The following DNAH17 variants were observed in gnomAD, a reference collection of about 807,000 sequenced individuals.
The protein encoded by DNAH17 is dynein axonemal heavy chain 17, also known as axonemal beta dynein heavy chain 17.
Under a neutral mutation model 485.6 loss-of-function variants are expected in DNAH17, and 376 were observed. That is an observed-to-expected ratio of 0.77 (90% CI 0.71 to 0.84). The LOEUF (loss-of-function observed/expected upper bound fraction) is 0.84, where lower values mean the gene tolerates loss of function less well. Ranked by LOEUF, DNAH17 falls within the 40% of genes least tolerant of loss-of-function variation. The pLI, the probability that DNAH17 is intolerant of heterozygous loss-of-function variation, is 0.00. For synonymous variants in DNAH17, 3,031 were observed against 2,405.9 expected (o/e 1.26, Z -7.60); for missense variants, 6,370 against 5,839.3 (o/e 1.09, Z -2.96).
In DNAH17 at chr17:78,517,007, A is replaced by G. The variant is rs181085806; in HGVS notation, c.3865-1985T>C. Among the ~76,000 whole-genome samples the G allele has an allele frequency of 3.9e-5, 6 of 152,358 alleles. 1 individual carries two copies. Among genetic ancestry groups the G allele is most frequent in the Non-Finnish European group, 5.9e-5 (4 of 68,028 alleles). On this transcript the variant is annotated intron_variant, in intron 25 of 80. Transcript: ENST00000389840. ...ATTCAATTCCATTTAAAGTCATAAT[A>G]GCTTCCTTTTGGAGGGGAGGAAGAT...
At chr17:78,439,351 T>G in intron 72 of DNAH17, 134 bp from the exon 73 acceptor site, 1 of 1,100,778 alleles carries the variant, frequency 9.1e-7, no homozygotes, top group Non-Finnish European at 1.3e-6. Context: ...GACATAAAAC[T>G]TGCTGTTTTA....
Position 78,455,679 on chromosome 17 carries a change from C to A in DNAH17, c.10135G>T (p.Glu3379Ter). The A allele has an allele frequency of 6.4e-7, 1 of 1,569,548 alleles. No individual in the cohort carries two copies. Among genetic ancestry groups the A allele is most frequent in the East Asian group, 2.4e-5 (1 of 41,984 alleles). Residue 3379 changes from glutamate to a stop codon, truncating the protein, a stop_gained, in exon 63 of 81, where the codon GAG becomes TAG. Coordinates refer to ENST00000389840, the MANE Select transcript of DNAH17 (RefSeq NM_173628.4). LOFTEE classifies it high-confidence loss of function. ...TGTATGTAAGGGATCCAGAATTTCT[C>A]CATCAGCTCATTCCGGTATTTCTTG... is the stretch of plus-strand genomic sequence containing the variant. ...FTKKYRNELM[E>*]KFWIPYIHNL...
chr17:78,559,155 A>T (rs564528433), intron 13 of DNAH17, among the ~76,000 whole-genome samples: 17 of 152,338 alleles, frequency 1.1e-4, no homozygotes, highest in African/African-American at 4.1e-4. Context: ...TGAATGAGGT[A>T]ATGAGATGTC....
rs138120235 is a variant in DNAH17 at position 78,492,615 on chromosome 17, C to G, written c.6541+18G>C. On this transcript the variant is annotated intron_variant, in intron 42 of 80. Coordinates refer to ENST00000389840, the MANE Select transcript of DNAH17 (RefSeq NM_173628.4). The stretch of plus-strand genomic sequence containing the variant: ...CCAGGAGTGCCCCTGCAGCCTGTCC[C>G]GGGACCACCCTCGTTACCATCTTTC... 6.2e-7 allele frequency: 1 copy of G among 1,612,992 alleles called. No individual in the cohort carries two copies. Among genetic ancestry groups the G allele is most frequent in the Non-Finnish European group, 8.5e-7 (1 of 1,179,334 alleles).
intron 54 of DNAH17, among the ~76,000 whole-genome samples, chr17:78,472,280 G>C (rs528438726): frequency 2.1e-5 from 3 of 144,582 alleles, no homozygotes; most frequent in African/African-American, 8.5e-5. Context: ...GTAGGGGTGC[G>C]AGGGTTAGGG....
At position 78,444,623 on chromosome 17, in the gene DNAH17, G is replaced by A. The variant is rs766595754; in HGVS notation, c.11509C>T (p.Arg3837Cys). 10 of 1,578,862 alleles carry A rather than the reference G, an allele frequency of 6.3e-6. No individual in the cohort carries two copies. In the South Asian group the frequency reaches 6.9e-5, roughly 11 times the overall value. ...ACTCACTTGATAGCGTAGGTCATGC[G>A]ATCTGGCCGCAGGCAGCGCACCATG... ...LCMVRCLRPD[R>C]MTYAIKNFVE... Residue 3837 changes from arginine to cysteine, a missense_variant, in exon 71 of 81, where the codon CGC (arginine) becomes TGC (cysteine). By Grantham distance (180) the Arg-to-Cys change is radical. Transcript: ENST00000389840.
intron 16 of DNAH17, among the ~76,000 whole-genome samples, chr17:78,545,184 T>C (rs563675741): frequency 6.6e-6 from 1 of 152,326 alleles, no homozygotes; most frequent in East Asian, 1.9e-4. Context: ...GATATTTACG[T>C]GAGTACTTAT....
rs1039199086 is a variant in DNAH17 at position 78,493,981 on chromosome 17, C to T, written c.6408+55G>A. The T allele has an allele frequency of 1.5e-5, 23 of 1,570,430 alleles. No individual in the cohort carries two copies. The Admixed American group carries it at 1.9e-4, about 13-fold the overall frequency. ...GTGATGGAGGGCCGACCCTTCGCCC[C>T]AGCCCTCCCCCACCATGCCGGATCC... On this transcript the variant is annotated intron_variant, in intron 41 of 80. Transcript: ENST00000389840.
At chr17:78,538,528 C>A (rs2091438529) in intron 18 of DNAH17, among the ~76,000 whole-genome samples, 1 of 152,178 alleles carries the variant, frequency 6.6e-6, no homozygotes, top group Non-Finnish European at 1.5e-5. Context: ...CAGGAGGGGG[C>A]TGTATCAGTA....
At chr17:78,526,154 G>A (rs2091064715) in intron 24 of DNAH17, among the ~76,000 whole-genome samples, 1 of 152,242 alleles carries the variant, frequency 6.6e-6, no homozygotes, top group Non-Finnish European at 1.5e-5. Flanking sequence ...GTGTGAATTT[G>A]TGCACTGGAC....
rs531871161 is a variant in DNAH17, at chr17:78,440,069, G to T, written c.11678-852C>A. Among the ~76,000 whole-genome samples, 11 of 151,868 alleles carry T rather than the reference G, an allele frequency of 7.2e-5. No individual in the cohort carries two copies. The East Asian group carries it at 2.1e-3, about 29-fold the overall frequency. ...CTGCCTTGGCCTCCAGAGTAGCTGG[G>T]ACCACAGGCATGCACCACTATGCCC... On this transcript the variant is annotated intron_variant, in intron 72 of 80. Coordinates refer to ENST00000389840, the MANE Select transcript of DNAH17 (RefSeq NM_173628.4).
chr17:78,546,821 G>A (rs138001421), intron 16 of DNAH17, among the ~76,000 whole-genome samples: 214 of 152,160 alleles, frequency 1.4e-3, no homozygotes, highest in African/African-American at 4.2e-3. Context: ...CAGGAGAATC[G>A]CTTGAACCCA....
chr17:78,480,102 A>C (rs1247209948), intron 49 of DNAH17, among the ~76,000 whole-genome samples: 1 of 133,328 alleles, frequency 7.5e-6, no homozygotes, highest in East Asian at 2.4e-4. Context: ...TAATCCCAGC[A>C]CTTTGGGAGG....
At chr17:78,559,788 TCTC>T (rs746471876) in intron 13 of DNAH17, among the ~76,000 whole-genome samples, 5 of 151,008 alleles carry the variant, frequency 3.3e-5, no homozygotes, top group Non-Finnish European at 7.4e-5. Flanking sequence ...TCTCATCTCT[TCTC>T]CTACGACCTT....
At chr17:78,501,557 C>A in intron 34 of DNAH17, 185 bp downstream of exon 34, 1 of 995,366 alleles carries the variant, frequency 1.0e-6, no homozygotes, top group East Asian at 2.6e-5. Flanking sequence ...CACCGCTCAT[C>A]TGACTGCTGT....
chr17:78,505,965 C>T (rs754881482), intron 30 of DNAH17, among the ~76,000 whole-genome samples: 7 of 151,858 alleles, frequency 4.6e-5, no homozygotes, highest in South Asian at 2.1e-4. Flanking sequence ...GCAACAAGAG[C>T]GAAACTCCAT....
In DNAH17 at chr17:78,425,581, C is replaced by G. The variant is rs1421195350; in HGVS notation, c.12916-10G>C. On this transcript the variant is annotated splice_polypyrimidine_tract_variant and intron_variant, in intron 79 of 80. Coordinates refer to ENST00000389840, the MANE Select transcript of DNAH17 (RefSeq NM_173628.4). ...TCCAGGCCTCGAGTTCCTGCAAGGA[C>G]ACACGAGCCGCTAGGAGGAGAGGAC... The G allele has an allele frequency of 1.3e-6, 2 of 1,588,802 alleles. No homozygotes were observed. The highest frequency in any genetic ancestry group is 2.3e-5 in the South Asian group (2 of 88,800).
At position 78,444,729 on chromosome 17, in the gene DNAH17, T is replaced by C. The variant is rs2087208932; in HGVS notation, c.11403A>G (p.Lys3801=). 9 of 1,605,990 alleles carry C rather than the reference T, an allele frequency of 5.6e-6. No homozygotes were observed. The highest frequency in any genetic ancestry group is 7.6e-6 in the Non-Finnish European group (9 of 1,177,438). ...CGGGGGCTTCCGACTCCACCAGCTTTTTCCAGCGCTTGGCAGATCCTTCGA... is the reference window on the plus strand; with the variant it reads ...CGGGGGCTTCCGACTCCACCAGCTTCTTCCAGCGCTTGGCAGATCCTTCGA... The part of the protein sequence containing the change: ...SDIEGSAKRW[K]KLVESEAPEK... The change falls in exon 71 of 81, where the codon AAA becomes AAG. Residue 3801 remains lysine, a synonymous_variant. Coordinates refer to ENST00000389840, the MANE Select transcript of DNAH17 (RefSeq NM_173628.4).
chr17:78,561,538 CAAG>C (rs1412549792), intron 12 of DNAH17, among the ~76,000 whole-genome samples, 174 bp downstream of exon 12: 2 of 152,110 alleles, frequency 1.3e-5, no homozygotes, highest in Non-Finnish European at 2.9e-5. Flanking sequence ...GCACTCCCAC[CAAG>C]AAGGTGATCA....
Sources: gnomAD v4.1 joint callset for allele counts (sites outside exome capture counted in the v4.1 genomes callset) on GRCh38, gnomAD v4.1.1 for gene constraint, MANE v1.5 for transcripts, NCBI Gene and HGNC (gene_info 2026-07-23, HGNC 2026-07-21) for gene names.